ANKMY1: variants seen among roughly 807,000 people sequenced by gnomAD.
The protein encoded by ANKMY1 is ankyrin repeat and MYND domain containing 1, also known as ankyrin repeat and MYND domain-containing protein 1.
In ANKMY1, 98 loss-of-function variants were observed where a neutral mutation model predicts 102.0. That is an observed-to-expected ratio of 0.96 (90% CI 0.82 to 1.14). The LOEUF is 1.14. Ranked by LOEUF, ANKMY1 falls within the 50% of genes most tolerant of loss-of-function variation. The pLI, the probability that ANKMY1 is intolerant of heterozygous loss-of-function variation, is 0.00. For missense variants in ANKMY1, 1,330 were observed against 1,347.6 expected (o/e 0.99, Z 0.20); for synonymous variants, 582 against 559.9 (o/e 1.04, Z -0.56).
At chr2:240,512,707 A>G in intron 10 of ANKMY1, 95 bp downstream of exon 10, 1 of 1,432,550 alleles carries the variant, frequency 7.0e-7, no homozygotes, top group Middle Eastern at 1.9e-4. Flanking sequence ...GAGGCCCATC[A>G]TGCTCGGCAA....
chr2:240,542,744 A>G (rs1281365454), intron 4 of ANKMY1, among the ~76,000 whole-genome samples: 1 of 149,134 alleles, frequency 6.7e-6, no homozygotes, highest in Non-Finnish European at 1.5e-5. Flanking sequence ...ATATATGTAT[A>G]AATTTATTAT....
chr2:240,487,543 T>C (rs1421810695), intron 15 of ANKMY1, among the ~76,000 whole-genome samples: 1 of 152,154 alleles, frequency 6.6e-6, no homozygotes, highest in Non-Finnish European at 1.5e-5. Context: ...TTTAGAAATC[T>C]TCATACTGTT....
At chr2:240,527,091 G>C (rs1463557459) in intron 5 of ANKMY1, 10 of 821,838 alleles carry the variant, frequency 1.2e-5, no homozygotes, top group Non-Finnish European at 1.5e-5. Flanking sequence ...TGGATGGGTG[G>C]GTGGATGAAT....
intron 3 of ANKMY1, 119 bp from the exon 4 acceptor site, chr2:240,553,176 G>A (rs2125133102): frequency 1.7e-6 from 2 of 1,203,886 alleles, no homozygotes; most frequent in East Asian, 2.5e-5. Flanking sequence ...GGCTGTGGCA[G>A]AACTCAGGGA....
chr2:240,550,314 G>A (rs2091265337), intron 4 of ANKMY1, among the ~76,000 whole-genome samples: 2 of 140,674 alleles, frequency 1.4e-5, no homozygotes, highest in South Asian at 2.2e-4. Flanking sequence ...ATTGAACAAC[G>A]AGAACACATG....
intron 4 of ANKMY1, among the ~76,000 whole-genome samples, chr2:240,534,495 G>A (rs529788084): frequency 6.6e-6 from 1 of 152,134 alleles, no homozygotes; most frequent in African/African-American, 2.4e-5. Flanking sequence ...CCAGCTCCTA[G>A]GGAGGCTGAG....
In ANKMY1 at chr2:240,520,066, C is replaced by A. The variant is rs1020376381; in HGVS notation, c.2004+296G>T. 2 of 597,548 alleles carry A rather than the reference C, an allele frequency of 3.3e-6. No homozygotes were observed. Among genetic ancestry groups the A allele is most frequent in the Non-Finnish European group, 6.5e-6 (2 of 308,548 alleles). The allele number at this position is 597,548 out of a possible 1,614,324, so 37.0% of individuals were successfully genotyped here. A position where few individuals can be genotyped will look rare whatever the true frequency, so the allele number is the denominator to read the frequency against. On this transcript the variant is annotated intron_variant, in intron 9 of 17. Coordinates refer to ENST00000401804, the MANE Select transcript of ANKMY1 (RefSeq NM_001282771.3). This position sits in a 1 kb window ranked among gnomAD's most constrained non-coding sequence, Gnocchi z 4.8. ...CCTCCTGAATATAAGTCTCCCCTTTCCAAGGGGCCTTCAGGATGCGCTTCC... is the reference window on the plus strand; with the variant it reads ...CCTCCTGAATATAAGTCTCCCCTTTACAAGGGGCCTTCAGGATGCGCTTCC...
At chr2:240,541,036 G>C (rs1173264415) in intron 4 of ANKMY1, among the ~76,000 whole-genome samples, 1 of 152,184 alleles carries the variant, frequency 6.6e-6, no homozygotes, top group Non-Finnish European at 1.5e-5. Context: ...CTCAATTTGG[G>C]AAATTTTTAA....
intron 4 of ANKMY1, among the ~76,000 whole-genome samples, chr2:240,538,648 G>A (rs1414707789): frequency 2.6e-5 from 4 of 152,180 alleles, no homozygotes; most frequent in Non-Finnish European, 5.9e-5. Flanking sequence ...AAGGGCTGAG[G>A]AGTATGGGCG....
intron 4 of ANKMY1, among the ~76,000 whole-genome samples, chr2:240,551,269 A>G (rs550677300): frequency 6.6e-6 from 1 of 152,198 alleles, no homozygotes; most frequent in Admixed American, 6.5e-5. Flanking sequence ...TGAGTAGAGT[A>G]TACATTTGTA....
At chr2:240,472,443 G>GT in the ANKMY1 span, among the ~76,000 whole-genome samples, 1 of 152,228 alleles carries the variant, frequency 6.6e-6, no homozygotes, top group African/African-American at 2.4e-5. Flanking sequence ...AGTCTCAGCT[G>GT]TGAGCCTTAA....
intron 5 of ANKMY1, chr2:240,526,837 A>G (rs1385152310): frequency 8.6e-7 from 1 of 1,167,638 alleles, no homozygotes; most frequent in African/African-American, 1.6e-5. Flanking sequence ...CCCACATTCC[A>G]CCCTCTGCTC....
rs568504538 is a variant in ANKMY1, at chr2:240,504,777, C to A, written c.2526+2783G>T. On this transcript the variant is annotated intron_variant, in intron 13 of 17. Coordinates refer to ENST00000401804, the MANE Select transcript of ANKMY1 (RefSeq NM_001282771.3). ...ATCCCAGCACTTTGGGAGGCCAAGA[C>A]AGGTGGATCGCTTGAGGCCAGGAGT... is the stretch of plus-strand genomic sequence containing the variant. Among the ~76,000 whole-genome samples the A allele has an allele frequency of 2.6e-4, 40 of 152,074 alleles. No individual in the cohort carries two copies. The East Asian group carries it at 7.4e-3, about 28-fold the overall frequency.
intron 5 of ANKMY1, 130 bp downstream of exon 5, chr2:240,528,907 T>G: frequency 1.2e-6 from 1 of 814,244 alleles, no homozygotes; most frequent in Non-Finnish European, 2.0e-6. Flanking sequence ...AGTCACTTAA[T>G]GGGAGGAGTG....
At chr2:240,513,006 C>T (rs899146769) in intron 9 of ANKMY1, 64 bp from the exon 10 acceptor site, 48 of 1,553,132 alleles carry the variant, frequency 3.1e-5, no homozygotes, top group Middle Eastern at 3.6e-4. Flanking sequence ...AGGTGAGGTA[C>T]CTGAGGGACC....
At chr2:240,553,171 T>A in intron 3 of ANKMY1, 114 bp from the exon 4 acceptor site, 1 of 1,280,014 alleles carries the variant, frequency 7.8e-7, no homozygotes, top group Non-Finnish European at 1.1e-6. Context: ...CCCAGGGCTG[T>A]GGCAGAACTC....
intron 15 of ANKMY1, among the ~76,000 whole-genome samples, chr2:240,485,844 T>C (rs1270968758): frequency 3.9e-5 from 6 of 152,146 alleles, no homozygotes; most frequent in Non-Finnish European, 7.4e-5. Context: ...TCTTCTGCCT[T>C]AGCCTCCCAA....
At chr2:240,481,423 C>T (rs2075373306) in intron 16 of ANKMY1, among the ~76,000 whole-genome samples, 1 of 152,188 alleles carries the variant, frequency 6.6e-6, no homozygotes, top group Non-Finnish European at 1.5e-5. Context: ...TGGTGCGGAA[C>T]TCCTAGGCAC....
In ANKMY1 at chr2:240,499,182, C is replaced by T. The variant is rs527937594; in HGVS notation, c.2806+776G>A. On this transcript the variant is annotated intron_variant, in intron 15 of 17. Transcript: ENST00000401804. The surrounding 1 kb of genome is among the most constrained non-coding windows in gnomAD (Gnocchi z 4.2). ...GGGCTCGGTGTGGGGGCGGGATCAG[C>T]AGGTTCCGGTGTGTGTGTGCACACA... 6.6e-6 allele frequency among the ~76,000 whole-genome samples: 1 copy of T among 152,210 alleles called. No individual in the cohort carries two copies. The highest frequency in any genetic ancestry group is 2.1e-4 in the South Asian group (1 of 4,828).
Sources: allele counts gnomAD v4.1 joint callset (sites outside exome capture counted in the v4.1 genomes callset), GRCh38; gene constraint gnomAD v4.1.1; non-coding constraint Gnocchi (gnomAD v3.1); transcripts MANE v1.5; gene names NCBI Gene and HGNC (gene_info 2026-07-23, HGNC 2026-07-21).